Variants in MALRD1 observed in about 807,000 individuals in gnomAD.
MALRD1 encodes the protein MAM and LDL receptor class A domain containing 1.
A neutral mutation model predicts 242.1 loss-of-function variants in MALRD1; 247 were observed. The ratio of observed to expected loss-of-function variants is 1.02; its 90% CI spans 0.92 to 1.13. The LOEUF (loss-of-function observed/expected upper bound fraction) is 1.13. Ranked by LOEUF, MALRD1 falls within the 50% of genes most tolerant of loss-of-function variation. The pLI is 0.00. For synonymous variants in MALRD1, 995 were observed against 866.6 expected (o/e 1.15, Z -2.60); for missense variants, 2,989 against 2,533.1 (o/e 1.18, Z -3.86).
At chr10:19,530,262 A>C (rs1008368562) in intron 31 of MALRD1, among the ~76,000 whole-genome samples, 22 of 142,616 alleles carry the variant, frequency 1.5e-4, no homozygotes, top group South Asian at 4.4e-4. Flanking sequence ...TTGCTCTAAA[A>C]AATTGTGTAT....
intron 31 of MALRD1, among the ~76,000 whole-genome samples, chr10:19,502,224 A>G (rs917199354): frequency 1.3e-5 from 2 of 151,888 alleles, no homozygotes; most frequent in Admixed American, 6.6e-5. Context: ...CTATTTATCA[A>G]TTTTACATTA....
intron 29 of MALRD1, among the ~76,000 whole-genome samples, chr10:19,451,689 T>C (rs190869650): frequency 6.6e-6 from 1 of 152,332 alleles, no homozygotes; most frequent in East Asian, 1.9e-4. Context: ...AGTTCAAAAA[T>C]GTGACTTTGG....
chr10:19,325,728 A>G (rs908114300), intron 22 of MALRD1, among the ~76,000 whole-genome samples: 3 of 152,118 alleles, frequency 2.0e-5, no homozygotes, highest in Admixed American at 6.6e-5. Flanking sequence ...GCTGGAAGCA[A>G]TCTATTGATA....
intron 18 of MALRD1, among the ~76,000 whole-genome samples, chr10:19,256,454 CATG>C (rs1839515810): frequency 6.6e-6 from 1 of 152,054 alleles, no homozygotes; most frequent in Admixed American, 6.6e-5. Flanking sequence ...GCCTTTCACT[CATG>C]ATGGTGGTGG....
chr10:19,127,721 C>T (rs1837326916), intron 7 of MALRD1, among the ~76,000 whole-genome samples: 1 of 151,964 alleles, frequency 6.6e-6, no homozygotes, highest in African/African-American at 2.4e-5. Flanking sequence ...TTTAAAAGGA[C>T]TGTAGATATC....
Position 19,209,482 on chromosome 10 carries a change from A to G in MALRD1, c.2793A>G (p.Pro931=), listed in dbSNP as rs775690831. 99 of 1,550,682 alleles carry G rather than the reference A, an allele frequency of 6.4e-5. No homozygotes were observed. The highest frequency in any genetic ancestry group is 1.4e-5 in the Non-Finnish European group (16 of 1,147,040). ...AAGACAGTGCTGCCTTACTCAGCCC[A>G]ATCCTTAATGCCACTGATACAAAAG... ...AFQDSAALLS[P]ILNATDTKGC... The change falls in exon 18 of 40, where the codon CCA becomes CCG. Residue 931 remains proline, a synonymous_variant. Coordinates refer to ENST00000454679, the MANE Select transcript of MALRD1 (RefSeq NM_001142308.3).
intron 26 of MALRD1, among the ~76,000 whole-genome samples, chr10:19,357,005 A>T (rs1844665224): frequency 6.6e-6 from 1 of 151,760 alleles, no homozygotes; most frequent in East Asian, 1.9e-4. Flanking sequence ...GCTACCTGGG[A>T]GGCTGAGGCA....
chr10:19,404,314 A>G (rs1846995384), intron 28 of MALRD1, among the ~76,000 whole-genome samples: 1 of 152,084 alleles, frequency 6.6e-6, no homozygotes, highest in Admixed American at 6.6e-5. Flanking sequence ...ATCTCGTACA[A>G]TAATTTTAAG....
intron 38 of MALRD1, among the ~76,000 whole-genome samples, chr10:19,724,465 T>A (rs1403815830): frequency 6.6e-6 from 1 of 152,222 alleles, no homozygotes; most frequent in Non-Finnish European, 1.5e-5. Context: ...CATTGTGCTG[T>A]CACTCTGTCC....
Position 19,133,512 on chromosome 10 carries a change from A to T in MALRD1, c.1111-344A>T, listed in dbSNP as rs563021659. ...CATGGCAGTATTACAAAATGTAATA[A>T]TGTTATTGAGTTCAACATTTTAATT... On this transcript the variant is annotated intron_variant, in intron 8 of 39. Coordinates refer to ENST00000454679, the MANE Select transcript of MALRD1 (RefSeq NM_001142308.3). 9.9e-5 allele frequency among the ~76,000 whole-genome samples: 15 copies of T among 152,270 alleles called. No individual in the cohort carries two copies. In the East Asian group the frequency reaches 2.9e-3, roughly 29 times the overall value.
chr10:19,237,588 ATAATTATATAATTATAATTATAATTAT>A (rs2131721426), intron 18 of MALRD1, among the ~76,000 whole-genome samples: 1 of 11,130 alleles, frequency 9.0e-5, no homozygotes, highest in African/African-American at 8.3e-4. Context: ...TTATAATTAT[ATAATTATATAATTATAATTATAATTAT>A]ATAATTATAT....
chr10:19,683,413 CA>C (rs986885649), intron 36 of MALRD1, among the ~76,000 whole-genome samples: 1 of 152,202 alleles, frequency 6.6e-6, no homozygotes, highest in African/African-American at 2.4e-5. Flanking sequence ...AATGTATTTT[CA>C]TGTGCATCGT....
intron 14 of MALRD1, among the ~76,000 whole-genome samples, chr10:19,180,589 A>C (rs1259517449): frequency 6.6e-6 from 1 of 152,212 alleles, no homozygotes; most frequent in Admixed American, 6.5e-5. Context: ...AGAAAGTCCT[A>C]AATTTAAGAC....
At chr10:19,437,374 G>A (rs1234805824) in intron 28 of MALRD1, among the ~76,000 whole-genome samples, 1 of 151,832 alleles carries the variant, frequency 6.6e-6, no homozygotes, top group Non-Finnish European at 1.5e-5. Context: ...TTCTTTCTTT[G>A]TAAGTAAATA....
intron 28 of MALRD1, 81 bp downstream of exon 28, chr10:19,389,690 A>C (rs1349150266): frequency 1.4e-6 from 2 of 1,417,190 alleles, no homozygotes; most frequent in African/African-American, 1.4e-5. Context: ...CTCAGGCTGC[A>C]GTGCAGTGGT....
intron 18 of MALRD1, among the ~76,000 whole-genome samples, chr10:19,250,997 G>T (rs935721663): frequency 2.6e-5 from 4 of 151,818 alleles, no homozygotes; most frequent in Admixed American, 2.0e-4. Flanking sequence ...CACAGCAGAG[G>T]CCTTGATGGG....
intron 38 of MALRD1, among the ~76,000 whole-genome samples, chr10:19,695,923 A>C (rs1179243160): frequency 6.6e-6 from 1 of 152,178 alleles, no homozygotes; most frequent in Non-Finnish European, 1.5e-5. Context: ...CACTATCATA[A>C]GAACAGCATG....
chr10:19,317,225 A>G, intron 21 of MALRD1, among the ~76,000 whole-genome samples: 1 of 151,910 alleles, frequency 6.6e-6, no homozygotes, highest in Non-Finnish European at 1.5e-5. Context: ...AGGCACTGAC[A>G]TATTTGCTGA....
At position 19,191,257 on chromosome 10, in the gene MALRD1, T is replaced by C. The variant is rs151038498; in HGVS notation, c.1952-12471T>C. Among the ~76,000 whole-genome samples, 426 of 152,058 alleles carry C rather than the reference T, an allele frequency of 2.8e-3. 2 individuals are homozygous for C. The highest frequency in any genetic ancestry group is 9.8e-3 in the African/African-American group (408 of 41,498). On this transcript the variant is annotated intron_variant, in intron 14 of 39. Transcript: ENST00000454679. ...ATTAGGGAAATGCAAATCAAAACAA[T>C]GAGATACCACCTTGCATCCATTAGA...
Sources: gnomAD v4.1 joint callset for allele counts (sites outside exome capture counted in the v4.1 genomes callset) on GRCh38, gnomAD v4.1.1 for gene constraint, MANE v1.5 for transcripts, NCBI Gene and HGNC (gene_info 2026-07-23, HGNC 2026-07-21) for gene names.